The following TNIK variants were observed in gnomAD, a reference collection of about 807,000 sequenced individuals.
The protein encoded by TNIK is TRAF2 and NCK-interacting protein kinase.
In TNIK, 49 loss-of-function variants were observed where a neutral mutation model predicts 191.3. The observed-to-expected ratio is 0.26, with a 90% CI of 0.20 to 0.32. TNIK has a LOEUF of 0.32. Among genes scored for constraint, TNIK ranks in the 10% least tolerant of loss-of-function variants. TNIK has a pLI of 1.00. For missense variants in TNIK, 1,155 were observed against 1,702.3 expected (o/e 0.68, Z 5.66); for synonymous variants, 594 against 600.9 (o/e 0.99, Z 0.17).
intron 1 of TNIK, among the ~76,000 whole-genome samples, chr3:171,430,984 T>G (rs1725303167): frequency 6.6e-6 from 1 of 152,156 alleles, no homozygotes; most frequent in Non-Finnish European, 1.5e-5. Flanking sequence ...CACACCAAGC[T>G]GAACCAGATT....
chr3:171,406,296 G>C (rs998930157), intron 1 of TNIK, among the ~76,000 whole-genome samples: 2 of 152,098 alleles, frequency 1.3e-5, no homozygotes, highest in Non-Finnish European at 2.9e-5. Flanking sequence ...CTGATGCCAT[G>C]GCACATTGCA....
chr3:171,375,782 A>G (rs561070233), intron 1 of TNIK, among the ~76,000 whole-genome samples: 1 of 152,344 alleles, frequency 6.6e-6, no homozygotes, highest in Admixed American at 6.5e-5. Flanking sequence ...AAGATGATAC[A>G]TATTCTTTCC....
At chr3:171,383,477 C>T (rs542502566) in intron 1 of TNIK, among the ~76,000 whole-genome samples, 1 of 152,320 alleles carries the variant, frequency 6.6e-6, no homozygotes, top group East Asian at 1.9e-4. Flanking sequence ...GGCAACCTGA[C>T]TGGAATGCTG....
intron 2 of TNIK, among the ~76,000 whole-genome samples, chr3:171,306,514 T>C (rs892658433): frequency 6.6e-6 from 1 of 152,182 alleles, no homozygotes; most frequent in African/African-American, 2.4e-5. Flanking sequence ...AGATGCCAGC[T>C]GCGCTTCTCA....
intron 2 of TNIK, among the ~76,000 whole-genome samples, chr3:171,302,963 G>T (rs1753042241): frequency 6.6e-6 from 1 of 152,074 alleles, no homozygotes; most frequent in African/African-American, 2.4e-5. Flanking sequence ...TCTACGCAAT[G>T]CAAAATCAGA....
intron 2 of TNIK, among the ~76,000 whole-genome samples, chr3:171,305,009 T>TAA (rs36069177): frequency 1.6e-4 from 12 of 77,264 alleles, no homozygotes; most frequent in African/African-American, 4.5e-4. Flanking sequence ...AAAGTATAAT[T>TAA]AAAAAAAAAA....
At chr3:171,320,341 C>T (rs1400022879) in intron 2 of TNIK, among the ~76,000 whole-genome samples, 1 of 152,064 alleles carries the variant, frequency 6.6e-6, no homozygotes, top group Non-Finnish European at 1.5e-5. Flanking sequence ...TTACTAGGGG[C>T]TTCACTAAAA....
At chr3:171,416,074 C>A (rs1435652471) in intron 1 of TNIK, among the ~76,000 whole-genome samples, 5 of 151,784 alleles carry the variant, frequency 3.3e-5, no homozygotes, top group Admixed American at 1.3e-4. Flanking sequence ...CCTTCTACCC[C>A]CCAGGCAAGA....
intron 12 of TNIK, among the ~76,000 whole-genome samples, chr3:171,154,191 G>T (rs899650950): frequency 6.6e-6 from 1 of 151,548 alleles, no homozygotes; most frequent in African/African-American, 2.4e-5. Flanking sequence ...TTTTTAGGCT[G>T]CCAGGTTCTT....
intron 23 of TNIK, among the ~76,000 whole-genome samples, chr3:171,093,282 A>G (rs774250667): frequency 6.6e-6 from 1 of 152,220 alleles, no homozygotes; most frequent in African/African-American, 2.4e-5. Context: ...TGATGTTCCT[A>G]GAGTTTAAAA....
intron 1 of TNIK, among the ~76,000 whole-genome samples, chr3:171,457,085 G>A (rs1025214889): frequency 2.4e-4 from 36 of 152,142 alleles, no homozygotes; most frequent in Non-Finnish European, 3.4e-4. Context: ...TCAAGATTTA[G>A]TTTATCTCTG....
chr3:171,137,039 CA>C (rs945690542), intron 15 of TNIK, among the ~76,000 whole-genome samples: 11 of 129,664 alleles, frequency 8.5e-5, no homozygotes, highest in African/African-American at 2.3e-4. Context: ...GTTATTTTCA[CA>C]AAAAAATACA....
chr3:171,101,291 A>G (rs1723513218), intron 22 of TNIK, among the ~76,000 whole-genome samples, 158 bp downstream of exon 22: 1 of 152,176 alleles, frequency 6.6e-6, no homozygotes. Flanking sequence ...GATAGAGATA[A>G]TTATAGAACT....
At chr3:171,338,541 T>A (rs1413463681) in intron 2 of TNIK, among the ~76,000 whole-genome samples, 1 of 152,172 alleles carries the variant, frequency 6.6e-6, no homozygotes, top group African/African-American at 2.4e-5. Context: ...CAGGCTGGAG[T>A]ACAGTGGCAT....
At chr3:171,422,451 T>C (rs1173169461) in intron 1 of TNIK, among the ~76,000 whole-genome samples, 9 of 152,158 alleles carry the variant, frequency 5.9e-5, no homozygotes, top group African/African-American at 1.9e-4. Context: ...ACAATATTTA[T>C]ATGGTCAAGA....
rs1737679892 is a variant in TNIK at position 171,188,839 on chromosome 3, A to C, written c.509-7T>G. 1.9e-6 allele frequency: 3 copies of C among 1,612,224 alleles called. No homozygotes were observed. The highest frequency in any genetic ancestry group is 1.3e-5 in the African/African-American group (1 of 74,868). ...GCACTGACTCCAAAGTCCACTATTT[A>C]AGAAAAGACAAGTAAATAAAGTCTG... On this transcript the variant is annotated splice_polypyrimidine_tract_variant and splice_region_variant and intron_variant, in intron 6 of 32. Transcript: ENST00000436636.
chr3:171,089,110 T>C (rs1172259654), intron 23 of TNIK, among the ~76,000 whole-genome samples: 1 of 152,198 alleles, frequency 6.6e-6, no homozygotes, highest in Non-Finnish European at 1.5e-5. Flanking sequence ...TAATGGTGCA[T>C]GTAATTGATG....
Position 171,294,424 on chromosome 3 carries a change from C to G in TNIK, c.124-66203G>C, listed in dbSNP as rs560151035. 6.6e-5 allele frequency among the ~76,000 whole-genome samples: 10 copies of G among 151,646 alleles called. No individual in the cohort carries two copies. The South Asian group carries it at 2.1e-3, about 32-fold the overall frequency. On this transcript the variant is annotated intron_variant, in intron 2 of 32. Transcript: ENST00000436636. ...GGGTGACAGAGTGAGACTCTGTCTC[C>G]AAATAATAATAGTAGGCCAGTCGCG...
intron 3 of TNIK, among the ~76,000 whole-genome samples, chr3:171,215,640 C>A (rs1433227332): frequency 1.3e-5 from 2 of 152,114 alleles, no homozygotes; most frequent in Admixed American, 6.6e-5. Context: ...TAAGCCAGGG[C>A]AGAAGAGAAC....
Sources: gnomAD v4.1 joint callset for allele counts (sites outside exome capture counted in the v4.1 genomes callset) on GRCh38, gnomAD v4.1.1 for gene constraint, MANE v1.5 for transcripts, NCBI Gene and HGNC (gene_info 2026-07-23, HGNC 2026-07-21) for gene names.